PCLO: variants seen among roughly 807,000 people sequenced by gnomAD.
PCLO encodes the protein piccolo presynaptic cytomatrix protein, also known as protein piccolo.
Under a neutral mutation model 427.5 loss-of-function variants are expected in PCLO, and 82 were observed. The observed-to-expected ratio is 0.19, with a 90% CI of 0.16 to 0.23. The LOEUF is 0.23. PCLO is among the 10% of genes least tolerant of loss of function. PCLO has a pLI of 1.00. For synonymous variants in PCLO, 2,357 were observed against 2,155.4 expected, an observed-to-expected ratio of 1.09 and a Z score of -2.59; for missense variants, 6,239 against 6,115.9, an observed-to-expected ratio of 1.02 and a Z score of -0.67.
intron 6 of PCLO, among the ~76,000 whole-genome samples, chr7:82,934,764 A>G (rs1435709013): frequency 1.3e-5 from 2 of 148,516 alleles, no homozygotes; most frequent in South Asian, 4.1e-4. Flanking sequence ...ATAGATATAG[A>G]TATATTTCTA....
At chr7:82,760,524 A>C in intron 24 of PCLO, 115 bp downstream of exon 24, 1 of 606,750 alleles carries the variant, frequency 1.6e-6, no homozygotes, top group Non-Finnish European at 2.6e-6. Context: ...AAAATTAATT[A>C]ACTTCTCAAA....
chr7:82,891,791 A>G (rs1793773214), intron 9 of PCLO, among the ~76,000 whole-genome samples: 1 of 152,106 alleles, frequency 6.6e-6, no homozygotes, highest in African/African-American at 2.4e-5. Context: ...CTATTGAGAT[A>G]ATCATGTGGT....
intron 3 of PCLO, among the ~76,000 whole-genome samples, chr7:83,032,777 A>C (rs1562930476): frequency 6.6e-6 from 1 of 152,094 alleles, no homozygotes; most frequent in African/African-American, 2.4e-5. Flanking sequence ...ACATCCAAAA[A>C]TCTAGAGTTG....
Position 83,018,189 on chromosome 7 carries a change from A to T in PCLO, c.3301-51702T>A, listed in dbSNP as rs532387997. On this transcript the variant is annotated intron_variant, in intron 3 of 24. Transcript: ENST00000333891. ...CAATAAATGGTCACACATTGACATA[A>T]AATTTAGGTATCAAAATGTTTACAA... Among the ~76,000 whole-genome samples, 20 of 152,188 alleles carry T rather than the reference A, an allele frequency of 1.3e-4. No homozygotes were observed. The South Asian group carries it at 4.1e-3, about 31-fold the overall frequency.
intron 6 of PCLO, among the ~76,000 whole-genome samples, chr7:82,929,191 TC>T (rs745972553): frequency 7.9e-5 from 12 of 152,148 alleles, no homozygotes; most frequent in Non-Finnish European, 1.6e-4. Context: ...ATAAATTATT[TC>T]AACAGTAATA....
rs145355143 is a variant in PCLO at position 83,071,030 on chromosome 7, A to T, written c.3300+63220T>A. On this transcript the variant is annotated intron_variant, in intron 3 of 24. Coordinates refer to ENST00000333891, the MANE Select transcript of PCLO (RefSeq NM_033026.6). ...TTTTCTATTTTTTTTTTTGGATTTG[A>T]AAAGTTTTTATTGTGATAAAATACA... 8.7e-3 allele frequency among the ~76,000 whole-genome samples: 1,318 copies of T among 151,704 alleles called. 30 individuals carry two copies. Among genetic ancestry groups the T allele is most frequent in the African/African-American group, 0.029 (1,192 of 41,374 alleles).
chr7:83,050,208 GAAAA>G (rs556193471), intron 3 of PCLO, among the ~76,000 whole-genome samples: 562 of 5,406 alleles, frequency 0.1, 11 homozygotes, highest in East Asian at 0.38. Flanking sequence ...CTGAAAAACT[GAAAA>G]AAAAAAAAAA....
chr7:82,782,403 C>A (rs1412870729), intron 22 of PCLO, among the ~76,000 whole-genome samples: 1 of 152,182 alleles, frequency 6.6e-6, no homozygotes, highest in Non-Finnish European at 1.5e-5. Context: ...TCAGTTACAG[C>A]ATGCAAACTA....
chr7:82,968,920 A>C (rs1478590647), intron 3 of PCLO, among the ~76,000 whole-genome samples: 3 of 152,196 alleles, frequency 2.0e-5, no homozygotes, highest in Non-Finnish European at 4.4e-5. Flanking sequence ...GTGGGTATTA[A>C]GCATCTCCAT....
At chr7:82,847,309 G>T (rs1792529995) in intron 10 of PCLO, 62 bp from the exon 11 acceptor site, 3 of 871,812 alleles carry the variant, frequency 3.4e-6, no homozygotes, top group African/African-American at 1.7e-5. Flanking sequence ...GGTACATATG[G>T]CATTGAAGAC....
intron 3 of PCLO, among the ~76,000 whole-genome samples, chr7:83,092,619 T>C (rs1389452910): frequency 6.6e-6 from 1 of 152,088 alleles, no homozygotes; most frequent in Non-Finnish European, 1.5e-5. Flanking sequence ...ATCCCTACCA[T>C]TTGATACAAT....
chr7:82,819,245 T>C (rs1489523379), intron 20 of PCLO, among the ~76,000 whole-genome samples: 1 of 152,114 alleles, frequency 6.6e-6, no homozygotes, highest in Non-Finnish European at 1.5e-5. Flanking sequence ...CTTTCAATTA[T>C]GATTTTAATG....
rs2116432296 is a variant in PCLO at position 82,952,233 on chromosome 7, C to T, written c.8720G>A (p.Arg2907Lys). The change falls in exon 5 of 25, where the codon AGA becomes AAA. Residue 2907 changes from arginine to lysine, a missense_variant. This residue lies in a region of PCLO where 4,677 missense variants were observed against 4,468.4 expected (regional missense o/e 1.05). Transcript: ENST00000333891. ...VVDLSTTKSHRTVVTMDESTS... is the reference protein window; with the variant it reads ...VVDLSTTKSHKTVVTMDESTS... ...AGACTCATCCATTGTTACGACTGTT[C>T]TGTGAGACTTGGTTGTACTGAGATC... 6.2e-7 allele frequency: 1 copy of T among 1,613,846 alleles called. No homozygotes were observed.
At chr7:82,978,477 A>T in intron 3 of PCLO, among the ~76,000 whole-genome samples, 1 of 152,116 alleles carries the variant, frequency 6.6e-6, no homozygotes, top group East Asian at 1.9e-4. Context: ...AAATCCATTC[A>T]TAAGATAATT....
Position 82,953,315 on chromosome 7 carries a change from T to C in PCLO, c.7638A>G (p.Leu2546=), listed in dbSNP as rs781565457. The C allele has an allele frequency of 1.2e-6, 2 of 1,613,728 alleles. No homozygotes were observed. Among genetic ancestry groups the C allele is most frequent in the East Asian group, 2.2e-5 (1 of 44,812 alleles). The change falls in exon 5 of 25, where the codon TTA becomes TTG. Residue 2546 remains leucine, a synonymous_variant. Transcript: ENST00000333891. ...LSLTSSMTLN[L]VTSADYKLPS... is the part of the protein sequence containing the mutation. Reference sequence around the variant, plus strand: ...GCAATTTATAATCTGCTGAAGTCACTAAATTTAAGGTCATACTTGAAGTTA... The same window carrying C: ...GCAATTTATAATCTGCTGAAGTCACCAAATTTAAGGTCATACTTGAAGTTA...
intron 22 of PCLO, among the ~76,000 whole-genome samples, chr7:82,793,025 G>T (rs535997928): frequency 1.4e-5 from 2 of 146,544 alleles, no homozygotes; most frequent in African/African-American, 5.1e-5. Flanking sequence ...TTTACAATTC[G>T]CTCAGCTTTC....
At chr7:83,049,315 G>A (rs996564574) in intron 3 of PCLO, among the ~76,000 whole-genome samples, 2 of 152,098 alleles carry the variant, frequency 1.3e-5, no homozygotes, top group African/African-American at 2.4e-5. Context: ...AACATGTGTT[G>A]TACCCTATTA....
At chr7:82,879,962 G>A in intron 9 of PCLO, 1 of 374,384 alleles carries the variant, frequency 2.7e-6, no homozygotes, top group Non-Finnish European at 5.1e-6. Context: ...AACTAATATT[G>A]TTTGTGTATT....
chr7:83,147,138 T>C (rs536180725), intron 2 of PCLO, among the ~76,000 whole-genome samples: 4 of 151,540 alleles, frequency 2.6e-5, no homozygotes, highest in African/African-American at 7.3e-5. Context: ...TTACATATAA[T>C]GTATATGCCT....
Sources: allele counts gnomAD v4.1 joint callset (sites outside exome capture counted in the v4.1 genomes callset), GRCh38; gene constraint gnomAD v4.1.1; regional missense constraint gnomAD v4.1.1; transcripts MANE v1.5; gene names NCBI Gene and HGNC (gene_info 2026-07-23, HGNC 2026-07-21).